The following CYLD variants were observed in gnomAD, a reference collection of about 807,000 sequenced individuals.
The protein encoded by CYLD is CYLD lysine 63 deubiquitinase.
A neutral mutation model predicts 104.5 loss-of-function variants in CYLD; 26 were observed. That is an observed-to-expected ratio of 0.25 (90% confidence interval 0.18 to 0.35). CYLD has a LOEUF of 0.35. CYLD is among the 10% of genes least tolerant of loss of function. The pLI, the probability that CYLD is intolerant of heterozygous loss-of-function variation, is 1.00. For missense variants in CYLD, 703 were observed against 1,136.1 expected (o/e 0.62, Z 5.48); for synonymous variants, 385 against 399.9 (o/e 0.96, Z 0.45).
chr16:50,760,636 A>G (rs942173227), intron 5 of CYLD, among the ~76,000 whole-genome samples: 2 of 152,060 alleles, frequency 1.3e-5, no homozygotes, highest in Non-Finnish European at 2.9e-5. Context: ...CTTGTTTTTT[A>G]TAGTGTATAA....
chr16:50,760,690 T>C (rs1409844987), intron 5 of CYLD, among the ~76,000 whole-genome samples: 1 of 152,190 alleles, frequency 6.6e-6, no homozygotes, highest in Non-Finnish European at 1.5e-5. Flanking sequence ...ATTTAACCAG[T>C]TTCCTATCAA....
rs569984894 is a variant in CYLD, at chr16:50,797,028, T to C, written c.*520T>C. ...TAATCCTTTCTATATACTGCTGATC[T>C]TGCATGTCTACAATCTGCTCAGTTT... On this transcript the variant is annotated 3_prime_UTR_variant, in exon 19 of 19. Coordinates refer to ENST00000427738, the MANE Select transcript of CYLD (RefSeq NM_001378743.1). 4.2e-6 allele frequency: 1 copy of C among 240,842 alleles called. No individual in the cohort carries two copies. Among genetic ancestry groups the C allele is most frequent in the South Asian group, 1.5e-4 (1 of 6,486 alleles). The allele number at this position is 240,842 out of a possible 1,614,324, so 14.9% of individuals were successfully genotyped here. A position where few individuals can be genotyped will look rare whatever the true frequency, so the allele number is the denominator to read the frequency against.
intron 5 of CYLD, among the ~76,000 whole-genome samples, chr16:50,767,163 A>T (rs1024601338): frequency 6.6e-6 from 1 of 152,246 alleles, no homozygotes; most frequent in Non-Finnish European, 1.5e-5. Flanking sequence ...GTCAGCACCC[A>T]TCCACACTGA....
chr16:50,751,960 A>C (rs1418967984), intron 4 of CYLD, 54 bp downstream of exon 4: 1 of 567,368 alleles, frequency 1.8e-6, no homozygotes, highest in East Asian at 4.9e-5. Context: ...GTTTATATAT[A>C]TATGTATATA....
At chr16:50,781,068 A>C (rs955624435) in intron 9 of CYLD, among the ~76,000 whole-genome samples, 178 bp from the exon 10 acceptor site, 1 of 152,206 alleles carries the variant, frequency 6.6e-6, no homozygotes, top group African/African-American at 2.4e-5. Context: ...TTAAATCAGT[A>C]GCTGTGGGCT....
intron 5 of CYLD, 168 bp downstream of exon 5, chr16:50,754,592 C>G (rs1966844504): frequency 3.4e-6 from 2 of 591,382 alleles, no homozygotes; most frequent in Non-Finnish European, 6.0e-6. Flanking sequence ...GAAGTATACT[C>G]CGTACCCCAT....
At position 50,794,775 on chromosome 16, in the gene CYLD, C is replaced by T; in HGVS notation, c.2686+347C>T. ...AGCTGGGACTACACGCATATGCCAC[C>T]ATGCCTGGCTAATTTTTGTATTTTT... On this transcript the variant is annotated intron_variant, in intron 18 of 18. Coordinates refer to ENST00000427738, the MANE Select transcript of CYLD (RefSeq NM_001378743.1). The surrounding 1 kb of genome is among the most constrained non-coding windows in gnomAD (Gnocchi z 4.1). The T allele has an allele frequency of 2.9e-6, 1 of 343,084 alleles. No homozygotes were observed. Among genetic ancestry groups the T allele is most frequent in the South Asian group, 2.5e-5 (1 of 40,510 alleles). The allele number at this position is 343,084 out of a possible 1,614,324, so 21.3% of individuals were successfully genotyped here.
At chr16:50,796,228 G>A (rs1331401375) in intron 18 of CYLD, 96 bp from the exon 19 acceptor site, 1 of 1,281,260 alleles carries the variant, frequency 7.8e-7, no homozygotes, top group African/African-American at 1.5e-5. Flanking sequence ...TTTAGAGCCT[G>A]AAATTAGCTT....
intron 5 of CYLD, among the ~76,000 whole-genome samples, chr16:50,755,589 A>T (rs779122994): frequency 1.3e-5 from 2 of 152,222 alleles, no homozygotes; most frequent in Non-Finnish European, 2.9e-5. Context: ...GTGAGGTGGT[A>T]TCACATTGTG....
Position 50,796,973 on chromosome 16 carries a change from G to A in CYLD, c.*465G>A, listed in dbSNP as rs1322585933. 3.5e-6 allele frequency: 1 copy of A among 281,698 alleles called. No homozygotes were observed. Among genetic ancestry groups the A allele is most frequent in the Non-Finnish European group, 6.8e-6 (1 of 146,462 alleles). The allele number at this position is 281,698 out of a possible 1,614,324, so 17.4% of individuals were successfully genotyped here. A position where few individuals can be genotyped will look rare whatever the true frequency, so the allele number is the denominator to read the frequency against. On this transcript the variant is annotated 3_prime_UTR_variant, in exon 19 of 19. Coordinates refer to ENST00000427738, the MANE Select transcript of CYLD (RefSeq NM_001378743.1). ...TTATTAAGAGTCTACTCTCAATCCA[G>A]TTATTAGAGATGTACTGAGTTTGAT...
At chr16:50,779,556 C>A in intron 8 of CYLD, 109 bp from the exon 9 acceptor site, 3 of 985,820 alleles carry the variant, frequency 3.0e-6, no homozygotes, top group Non-Finnish European at 3.1e-6. Flanking sequence ...CTATTAATAG[C>A]AGGGAGGTCA....
chr16:50,776,029 A>G (rs991198474), intron 6 of CYLD, 150 bp from the exon 7 acceptor site: 24 of 658,988 alleles, frequency 3.6e-5, no homozygotes, highest in African/African-American at 1.6e-4. Context: ...ATCTTTTTCA[A>G]TACTTTTGAT....
At chr16:50,775,987 A>C (rs1020075768) in intron 6 of CYLD, among the ~76,000 whole-genome samples, 192 bp from the exon 7 acceptor site, 18 of 152,200 alleles carry the variant, frequency 1.2e-4, no homozygotes, top group African/African-American at 4.3e-4. Context: ...TACATTTTGA[A>C]ATACAGCATT....
intron 13 of CYLD, 69 bp downstream of exon 13, chr16:50,787,015 A>AG: frequency 1.6e-6 from 2 of 1,289,194 alleles, no homozygotes; most frequent in Middle Eastern, 1.9e-4. Context: ...GTATTAGCTG[A>AG]AATGTGTGTC....
intron 5 of CYLD, among the ~76,000 whole-genome samples, chr16:50,754,962 TACAC>T (rs571540083): frequency 6.9e-6 from 1 of 145,128 alleles, no homozygotes; most frequent in East Asian, 2.0e-4. Flanking sequence ...TATATACATA[TACAC>T]ACATATATGT....
intron 14 of CYLD, 60 bp downstream of exon 14, chr16:50,787,912 A>G (rs1056497489): frequency 1.1e-5 from 10 of 949,270 alleles, no homozygotes; most frequent in African/African-American, 4.9e-5. Context: ...TTCTACTGCC[A>G]TTATTCAACA....
intron 5 of CYLD, among the ~76,000 whole-genome samples, chr16:50,766,782 G>T (rs11863544): frequency 0.1 from 15,639 of 152,182 alleles, 2,607 homozygotes; most frequent in African/African-American, 0.35. Flanking sequence ...TAGCAAAAGA[G>T]CTAGAACTAG....
At chr16:50,752,538 T>G (rs975504470) in intron 4 of CYLD, among the ~76,000 whole-genome samples, 3 of 152,212 alleles carry the variant, frequency 2.0e-5, no homozygotes, top group East Asian at 1.9e-4. Context: ...TAACAAAATT[T>G]ATCACTTAAG....
rs1970308241 is a variant in CYLD, at chr16:50,782,396, A to G, written c.1756A>G (p.Ile586Val). Residue 586 changes from isoleucine (I) to valine (V), a missense_variant, in exon 11 of 19, where the codon ATA becomes GTA. By Grantham distance (29) the Ile-to-Val change is conservative. Coordinates refer to ENST00000427738, the MANE Select transcript of CYLD (RefSeq NM_001378743.1). ...AAAAATGGAAAAAGAAGGCTTGGAG[A>G]TAATGATTGGGAAGAAGAAAGGCAT... Reference protein sequence around the residue: ...PPKMEKEGLEIMIGKKKGIQG... With the variant: ...PPKMEKEGLEVMIGKKKGIQG... The G allele has an allele frequency of 6.2e-7, 1 of 1,613,916 alleles. No homozygotes were observed. The highest frequency in any genetic ancestry group is 8.5e-7 in the Non-Finnish European group (1 of 1,179,786).
Sources: allele counts gnomAD v4.1 joint callset (sites outside exome capture counted in the v4.1 genomes callset), GRCh38; gene constraint gnomAD v4.1.1; non-coding constraint Gnocchi (gnomAD v3.1); transcripts MANE v1.5; gene names NCBI Gene and HGNC (gene_info 2026-07-23, HGNC 2026-07-21).